LARP1: variants seen among roughly 807,000 people sequenced by gnomAD.
LARP1 encodes La ribonucleoprotein 1, translational regulator, also known as la-related protein 1.
LARP1 carries 36 observed loss-of-function variants against 122.7 expected under a neutral mutation model. The observed-to-expected ratio is 0.29, with a 90% confidence interval of 0.22 to 0.39. LARP1 has a LOEUF of 0.39. LARP1 is among the 10% of genes least tolerant of loss of function. LARP1 has a pLI of 1.00. For missense variants in LARP1, 1,040 were observed against 1,403.6 expected (o/e 0.74, Z 4.14); for synonymous variants, 539 against 528.7 (o/e 1.02, Z -0.27).
At chr5:154,731,317 G>A (rs1038895901) in intron 1 of LARP1, among the ~76,000 whole-genome samples, 16 of 152,182 alleles carry the variant, frequency 1.1e-4, no homozygotes, top group Non-Finnish European at 1.9e-4. Flanking sequence ...CAATAATTAT[G>A]TAATGACCAT....
chr5:154,786,129 G>A (rs113194752), intron 1 of LARP1, among the ~76,000 whole-genome samples: 7,259 of 151,898 alleles, frequency 0.048, 225 homozygotes, highest in Middle Eastern at 0.075. Context: ...TGCAACCTCC[G>A]CCTCCCGGGT....
At chr5:154,751,693 C>T (rs1753500615), upstream of LARP1, among the ~76,000 whole-genome samples, 1 of 152,126 alleles carries the variant, frequency 6.6e-6, no homozygotes, top group South Asian at 2.1e-4. Flanking sequence ...AGAAAGAGCA[C>T]AGTCACATAA....
intron 1 of LARP1, among the ~76,000 whole-genome samples, chr5:154,762,214 G>T (rs189480847): frequency 1.5e-3 from 224 of 152,214 alleles, no homozygotes; most frequent in African/African-American, 5.0e-3. Flanking sequence ...CTGCACTCCA[G>T]CCTGGGTGAC....
At chr5:154,811,380 G>A in intron 17 of LARP1, 24 bp downstream of exon 17, 2 of 1,611,174 alleles carry the variant, frequency 1.2e-6, no homozygotes, top group Non-Finnish European at 1.7e-6. Flanking sequence ...TTGGATCTGA[G>A]TGAGGCCTGG....
intron 3 of LARP1, chr5:154,791,952 C>G (rs181206054): frequency 4.4e-6 from 2 of 455,998 alleles, no homozygotes; most frequent in Non-Finnish European, 8.8e-6. Context: ...ACAGATGAAG[C>G]TGCTGAGACT....
In LARP1 at chr5:154,803,847, A is replaced by G; in HGVS notation, c.2439+102A>G. On this transcript the variant is annotated intron_variant, in intron 13 of 18. Coordinates refer to ENST00000518297, the MANE Select transcript of LARP1 (RefSeq NM_033551.3). The surrounding 1 kb of genome is among the most constrained non-coding windows in gnomAD (Gnocchi z 4.4). ...CCTTGTCTGAGCTAAGGAAGTGCTA[A>G]ATCCTTCACCTGCTCTGTGTTCTGA... 8.4e-7 allele frequency: 1 copy of G among 1,193,380 alleles called. No homozygotes were observed. The highest frequency in any genetic ancestry group is 1.2e-6 in the Non-Finnish European group (1 of 826,230). 73.9% of individuals were successfully genotyped at this position (1,193,380 alleles called of 1,614,324 possible).
chr5:154,792,562 T>C, intron 3 of LARP1, 60 bp from the exon 4 acceptor site: 1 of 1,493,842 alleles, frequency 6.7e-7, no homozygotes, highest in South Asian at 1.2e-5. Flanking sequence ...GGGAGTGCCT[T>C]CCCTCCTATA....
chr5:154,745,110 T>C (rs1753120290), intron 1 of LARP1, among the ~76,000 whole-genome samples: 1 of 150,934 alleles, frequency 6.6e-6, no homozygotes, highest in Non-Finnish European at 1.5e-5. Context: ...GTATTTTTAA[T>C]GGAGACATGG....
chr5:154,781,249 G>A (rs1756401861), intron 1 of LARP1, among the ~76,000 whole-genome samples: 1 of 152,116 alleles, frequency 6.6e-6, no homozygotes, highest in South Asian at 2.1e-4. Flanking sequence ...GCCTAGGAAA[G>A]CCCAAGGGAG....
chr5:154,758,941 C>T (rs1754228856), intron 1 of LARP1, among the ~76,000 whole-genome samples: 1 of 152,148 alleles, frequency 6.6e-6, no homozygotes, highest in African/African-American at 2.4e-5. Context: ...TTAGATCTCC[C>T]TCCCTCCCCA....
Position 154,742,738 on chromosome 5 carries a change from AAAAAAAG to A in LARP1, c.205+29629_205+29635del, listed in dbSNP as rs564365753. On this transcript the variant is annotated intron_variant, in intron 1 of 18. Coordinates refer to the LARP1 transcript ENST00000336314. The stretch of plus-strand genomic sequence containing the variant: ...GAGTCAGACCCTGTCTCAAAAAAAA[AAAAAAAG>A]AAAAAAGAAAAAAGAAAAAAATAGT... Among the ~76,000 whole-genome samples, 147 of 151,820 alleles carry A rather than the reference AAAAAAAG, an allele frequency of 9.7e-4. No individual in the cohort carries two copies. The East Asian group carries it at 9.9e-3, about 10-fold the overall frequency.
chr5:154,712,974 G>A (rs1249362134), exon 1 of LARP1: 18 of 1,614,046 alleles, frequency 1.1e-5, no homozygotes, highest in Non-Finnish European at 1.5e-5. Flanking sequence ...CCCTCACCCA[G>A]AGCTGGATTT....
In LARP1 at chr5:154,802,202, A is replaced by T; in HGVS notation, c.1912A>T (p.Arg638Trp). Residue 638 changes from arginine (R) to tryptophan (W), a missense_variant, in exon 11 of 19, where the codon AGG becomes TGG. By Grantham distance (101) the Arg-to-Trp change is moderately radical (BLOSUM62 -3). This residue lies in a region of LARP1 where 362 missense variants were observed against 533.1 expected (regional missense o/e 0.68). Transcript: ENST00000518297. This position sits in a 1 kb window ranked among gnomAD's most constrained non-coding sequence, Gnocchi z 5.1. ...DEESDYEIDD[R>W]DVNKILIVTQ... ...GGAATCTGACTATGAGATTGATGAC[A>T]GGGATGTCAACAAGATCCTCATTGT... 6.2e-7 allele frequency: 1 copy of T among 1,614,214 alleles called. No homozygotes were observed. The highest frequency in any genetic ancestry group is 8.5e-7 in the Non-Finnish European group (1 of 1,180,028).
intron 1 of LARP1, among the ~76,000 whole-genome samples, chr5:154,732,207 AAAGG>A (rs771790258): frequency 1.1e-4 from 1 of 9,466 alleles, no homozygotes; most frequent in Non-Finnish European, 6.2e-4. Flanking sequence ...AAAAAAAAAG[AAAGG>A]TGAATCTGGT....
intron 1 of LARP1, among the ~76,000 whole-genome samples, chr5:154,759,775 C>T (rs1026566884): frequency 6.6e-6 from 1 of 151,706 alleles, no homozygotes; most frequent in African/African-American, 2.4e-5. Flanking sequence ...ACCCATACAA[C>T]CATGGTTTTT....
intron 1 of LARP1, among the ~76,000 whole-genome samples, chr5:154,735,763 G>GA (rs942621224): frequency 4.0e-5 from 6 of 149,816 alleles, no homozygotes; most frequent in Admixed American, 4.0e-4. Context: ...GTAGAGACAG[G>GA]TTTCGCCATG....
chr5:154,804,267 A>G lies in LARP1; in HGVS notation c.2506A>G (p.Met836Val). 1 of 1,614,170 alleles carries G rather than the reference A, an allele frequency of 6.2e-7. No individual in the cohort carries two copies. Residue 836 changes from methionine (M) to valine (V), a missense_variant, in exon 14 of 19, where the codon ATG becomes GTG. Around this residue, in one of 8 missense-constraint regions of LARP1, gnomAD observed 18 missense variants for 60.2 expected, o/e 0.30. Coordinates refer to ENST00000518297, the MANE Select transcript of LARP1 (RefSeq NM_033551.3). Reference sequence around the variant, plus strand: ...CTTGGAGAGCCATGTGGGCTGGGTGATGGATTCCCGTGAGCACAGGCCCCG... The same window carrying G: ...CTTGGAGAGCCATGTGGGCTGGGTGGTGGATTCCCGTGAGCACAGGCCCCG... The part of the protein sequence containing the change: ...PPLESHVGWV[M>V]DSREHRPRTA...
chr5:154,782,116 C>T lies in LARP1; in HGVS notation c.437-8209C>T, dbSNP rs1756497325. On this transcript the variant is annotated intron_variant, in intron 1 of 18. Coordinates refer to ENST00000518297, the MANE Select transcript of LARP1 (RefSeq NM_033551.3). ...TGCTCTTCAACATTGTGACCTTGGG[C>T]GAGTCCCTTCCTTCAGTTTCATTTT... Among the ~76,000 whole-genome samples the T allele has an allele frequency of 2.0e-5, 3 of 152,100 alleles. No homozygotes were observed. The South Asian group carries it at 6.2e-4, about 32-fold the overall frequency.
rs78582655 is a variant in LARP1, at chr5:154,803,071, G to A, written c.2110-219G>A. ...CTGATCTCAGTCTTACTACAGGGAGGGCAGGGCAAGCACTGTCTTCTTCTG... is the reference window on the plus strand; with the variant it reads ...CTGATCTCAGTCTTACTACAGGGAGAGCAGGGCAAGCACTGTCTTCTTCTG... On this transcript the variant is annotated intron_variant, in intron 11 of 18. Coordinates refer to ENST00000518297, the MANE Select transcript of LARP1 (RefSeq NM_033551.3). The surrounding 1 kb of genome is among the most constrained non-coding windows in gnomAD (Gnocchi z 4.4). Among the ~76,000 whole-genome samples, 2,611 of 152,248 alleles carry A rather than the reference G, an allele frequency of 0.017. 47 individuals carry two copies. The highest frequency in any genetic ancestry group is 0.041 in the Middle Eastern group (12 of 294).
Sources: allele counts gnomAD v4.1 joint callset (sites outside exome capture counted in the v4.1 genomes callset), GRCh38; gene constraint gnomAD v4.1.1; regional missense constraint gnomAD v4.1.1; non-coding constraint Gnocchi (gnomAD v3.1); transcripts MANE v1.5; gene names NCBI Gene and HGNC (gene_info 2026-07-23, HGNC 2026-07-21).